The following TMEM232 variants were observed in gnomAD, a reference collection of about 807,000 sequenced individuals.
The protein encoded by TMEM232 is transmembrane protein 232.
TMEM232 carries 80 observed loss-of-function variants against 78.8 expected under a neutral mutation model. The ratio of observed to expected loss-of-function variants is 1.01; its 90% CI spans 0.85 to 1.22. TMEM232 has a LOEUF of 1.22. TMEM232 is among the 50% of genes most tolerant of loss of function. The pLI, the probability that TMEM232 is intolerant of heterozygous loss-of-function variation, is 0.00. For synonymous variants in TMEM232, 297 were observed against 254.3 expected, an observed-to-expected ratio of 1.17 and a Z score of -1.60; for missense variants, 881 against 742.2, an observed-to-expected ratio of 1.19 and a Z score of -2.17.
intron 2 of TMEM232, among the ~76,000 whole-genome samples, chr5:110,645,902 T>C (rs1196291380): frequency 6.6e-6 from 1 of 151,584 alleles, no homozygotes; most frequent in Non-Finnish European, 1.5e-5. Flanking sequence ...ATCAGTAACA[T>C]TTCTATATAT....
chr5:110,528,236 G>A (rs996776512), intron 12 of TMEM232, among the ~76,000 whole-genome samples: 3 of 151,714 alleles, frequency 2.0e-5, no homozygotes, highest in Non-Finnish European at 4.4e-5. Flanking sequence ...ACTTAGATAT[G>A]TAAAATACAT....
chr5:110,679,762 A>G (rs1009725718), intron 1 of TMEM232, among the ~76,000 whole-genome samples: 4 of 138,262 alleles, frequency 2.9e-5, no homozygotes, highest in African/African-American at 1.0e-4. Context: ...ATTAATATAT[A>G]TAATTTTGCA....
chr5:110,630,516 C>T (rs1580427374), intron 5 of TMEM232, among the ~76,000 whole-genome samples: 1 of 152,244 alleles, frequency 6.6e-6, no homozygotes, highest in South Asian at 2.1e-4. Flanking sequence ...CCTTGCACTT[C>T]TTGTGATAGT....
At chr5:110,647,466 GT>G (rs1787653722) in intron 2 of TMEM232, among the ~76,000 whole-genome samples, 1 of 151,788 alleles carries the variant, frequency 6.6e-6, no homozygotes, top group South Asian at 2.1e-4. Context: ...ACCTCTTTAT[GT>G]TTGCAAAAAT....
intron 10 of TMEM232, among the ~76,000 whole-genome samples, chr5:110,586,568 T>TCA (rs61213708): frequency 0.051 from 7,549 of 148,396 alleles, 280 homozygotes; most frequent in African/African-American, 0.11. Context: ...ACACACCCTT[T>TCA]CACACACACA....
At chr5:110,667,436 C>G in intron 1 of TMEM232, 72 bp from the exon 2 acceptor site, 1 of 1,239,150 alleles carries the variant, frequency 8.1e-7, no homozygotes, top group Non-Finnish European at 1.1e-6. Context: ...TATGCAAATT[C>G]ATTATTTTTG....
At chr5:110,495,085 T>G (rs1477939410) in intron 12 of TMEM232, among the ~76,000 whole-genome samples, 4 of 151,286 alleles carry the variant, frequency 2.6e-5, no homozygotes, top group Non-Finnish European at 5.9e-5. Flanking sequence ...TTAATTAAAC[T>G]TCATAACTTC....
intron 2 of TMEM232, among the ~76,000 whole-genome samples, chr5:110,664,960 A>G (rs1790365453): frequency 1.3e-5 from 2 of 152,118 alleles, no homozygotes; most frequent in South Asian, 4.1e-4. Context: ...TTTTAGCATA[A>G]TATATGTTAC....
chr5:110,454,124 T>C (rs555904423), intron 12 of TMEM232, among the ~76,000 whole-genome samples: 19 of 152,180 alleles, frequency 1.2e-4, no homozygotes, highest in South Asian at 8.3e-4. Context: ...AATAAGGATA[T>C]AGAAGCCTGA....
chr5:110,701,501 C>G (rs1158942592), intron 1 of TMEM232, among the ~76,000 whole-genome samples: 1 of 152,008 alleles, frequency 6.6e-6, no homozygotes, highest in Non-Finnish European at 1.5e-5. Context: ...AAGGTTTGAG[C>G]ATTATTAACA....
intron 1 of TMEM232, among the ~76,000 whole-genome samples, chr5:110,737,017 A>G (rs74457488): frequency 6.6e-6 from 1 of 151,904 alleles, no homozygotes; most frequent in Non-Finnish European, 1.5e-5. Context: ...AAAAAAAAAA[A>G]AAGCTTCCTT....
intron 12 of TMEM232, among the ~76,000 whole-genome samples, chr5:110,519,787 C>T (rs770459641): frequency 3.0e-4 from 46 of 151,212 alleles, no homozygotes; most frequent in Non-Finnish European, 5.6e-4. Flanking sequence ...TATTATTCAC[C>T]TATAAAAATG....
intron 12 of TMEM232, among the ~76,000 whole-genome samples, chr5:110,520,243 T>C (rs1380152682): frequency 1.3e-5 from 2 of 152,042 alleles, no homozygotes; most frequent in African/African-American, 2.4e-5. Flanking sequence ...TCATTACATA[T>C]TGTATGCTTG....
chr5:110,543,852 G>T (rs1446021738), intron 11 of TMEM232, among the ~76,000 whole-genome samples: 1 of 152,072 alleles, frequency 6.6e-6, no homozygotes, highest in African/African-American at 2.4e-5. Flanking sequence ...ATAAGATCAT[G>T]ATTATACTTC....
intron 5 of TMEM232, among the ~76,000 whole-genome samples, chr5:110,637,000 TGAAG>T (rs907206732): frequency 2.6e-5 from 4 of 151,826 alleles, no homozygotes; most frequent in African/African-American, 9.7e-5. Context: ...GAAAGGTCAC[TGAAG>T]GAGATGAGAA....
intron 12 of TMEM232, among the ~76,000 whole-genome samples, chr5:110,494,310 TGAAAA>T (rs1318597191): frequency 6.6e-6 from 1 of 151,800 alleles, no homozygotes; most frequent in Admixed American, 6.6e-5. Context: ...TATGTGCAAA[TGAAAA>T]GAATAGATAT....
intron 11 of TMEM232, among the ~76,000 whole-genome samples, chr5:110,532,741 G>A (rs1035168175): frequency 1.3e-5 from 2 of 151,866 alleles, no homozygotes; most frequent in African/African-American, 4.8e-5. Context: ...ACAAGTATAA[G>A]ATAACTCTAC....
chr5:110,665,701 G>A (rs1285773503), intron 2 of TMEM232, among the ~76,000 whole-genome samples: 1 of 151,916 alleles, frequency 6.6e-6, no homozygotes, highest in Admixed American at 6.6e-5. Context: ...ATTTGAATGG[G>A]GACATATAGC....
intron 8 of TMEM232, among the ~76,000 whole-genome samples, chr5:110,610,957 G>T (rs944675471): frequency 1.3e-5 from 2 of 152,056 alleles, no homozygotes; most frequent in Non-Finnish European, 2.9e-5. Context: ...AGCTAAGAAA[G>T]AAATTAATAG....
Sources: allele counts gnomAD v4.1 joint callset (sites outside exome capture counted in the v4.1 genomes callset), GRCh38; gene constraint gnomAD v4.1.1; transcripts MANE v1.5; gene names NCBI Gene and HGNC (gene_info 2026-07-23, HGNC 2026-07-21).